The following ELP3 variants were observed in gnomAD, a reference collection of about 807,000 sequenced individuals.
ELP3 encodes elongator complex protein 3.
In ELP3, 56 loss-of-function variants were observed where a neutral mutation model predicts 74.9. The observed-to-expected ratio is 0.75, with a 90% CI of 0.60 to 0.93. The LOEUF (loss-of-function observed/expected upper bound fraction) is 0.93, where lower values mean the gene tolerates loss of function less well. Ranked by LOEUF, ELP3 falls within the 40% of genes least tolerant of loss-of-function variation. ELP3 has a pLI of 0.00. For missense variants in ELP3, 573 were observed against 686.5 expected (o/e 0.83, Z 1.85); for synonymous variants, 222 against 239.8 (o/e 0.93, Z 0.68).
intron 7 of ELP3, among the ~76,000 whole-genome samples, chr8:28,117,025 T>C (rs1389797336): frequency 6.6e-6 from 1 of 152,104 alleles, no homozygotes; most frequent in Non-Finnish European, 1.5e-5. Context: ...GAAGATAAGT[T>C]TTTCTCTGCA....
chr8:28,185,583 T>A (rs1271319687), intron 14 of ELP3, among the ~76,000 whole-genome samples: 1 of 152,000 alleles, frequency 6.6e-6, no homozygotes, highest in East Asian at 1.9e-4. Context: ...GGAGAGAGAG[T>A]GCTGTGAATT....
intron 6 of ELP3, 162 bp downstream of exon 6, chr8:28,110,600 C>T (rs1563251943): frequency 1.7e-6 from 1 of 595,612 alleles, no homozygotes. Context: ...TTTGCCATGC[C>T]TAGCAAGGTC....
intron 2 of ELP3, among the ~76,000 whole-genome samples, chr8:28,099,066 C>T (rs992252715): frequency 2.6e-5 from 4 of 152,194 alleles, no homozygotes; most frequent in African/African-American, 9.7e-5. Flanking sequence ...TTCAGGCAGC[C>T]TCTTGTACGT....
intron 7 of ELP3, among the ~76,000 whole-genome samples, chr8:28,115,333 A>G (rs1812085622): frequency 1.3e-5 from 2 of 152,170 alleles, no homozygotes; most frequent in Non-Finnish European, 2.9e-5. Flanking sequence ...TCTCCAAGGT[A>G]TACTAAGTGA....
chr8:28,093,109 G>T, upstream of ELP3: 1 of 1,557,962 alleles, frequency 6.4e-7, no homozygotes, highest in South Asian at 1.2e-5. Flanking sequence ...TACATTGACC[G>T]ACATTTTACG....
chr8:28,099,807 T>C (rs752622347), intron 2 of ELP3, 21 bp from the exon 3 acceptor site: 1 of 1,613,990 alleles, frequency 6.2e-7, no homozygotes, highest in Non-Finnish European at 8.5e-7. Context: ...ATCTTGATAA[T>C]GTGAGATGCT....
At position 28,129,585 on chromosome 8, in the gene ELP3, A is replaced by G; in HGVS notation, c.701A>G (p.Asp234Gly). 1.2e-6 allele frequency: 2 copies of G among 1,614,218 alleles called. No individual in the cohort carries two copies. Among genetic ancestry groups the G allele is most frequent in the Non-Finnish European group, 1.7e-6 (2 of 1,180,028 alleles). The change falls in exon 8 of 15, where the codon GAC becomes GGC. Residue 234 changes from aspartate (D) to glycine (G), a missense_variant. By Grantham distance (94) the Asp-to-Gly change is moderately conservative. Coordinates refer to ENST00000256398, the MANE Select transcript of ELP3 (RefSeq NM_018091.6). ...PDYCMKRHLS[D>G]MLTYGCTRLE... ...TACTGCATGAAGCGACATTTAAGTG[A>G]CATGTTGACCTATGGCTGCACAAGG...
At chr8:28,119,573 TATATATATATATATA>T (rs1812276549) in intron 7 of ELP3, among the ~76,000 whole-genome samples, 1 of 188 alleles carries the variant, frequency 5.3e-3, no homozygotes, top group Non-Finnish European at 0.013. Context: ...TGTGGCGTTT[TATATATATATATATA>T]TATATATATA....
Position 28,110,442 on chromosome 8 carries a change from C to T in ELP3, c.462+4C>T, listed in dbSNP as rs1264212825. The T allele has an allele frequency of 1.9e-6, 3 of 1,605,698 alleles. No individual in the cohort carries two copies. The highest frequency in any genetic ancestry group is 2.2e-5 in the East Asian group (1 of 44,766). ...GACAAGACACCGAATAGAACAGGTA[C>T]ATTTTTAAAAAACATGTTTCTTAAA... On this transcript the variant is annotated splice_donor_region_variant and intron_variant, in intron 6 of 14. Coordinates refer to ENST00000256398, the MANE Select transcript of ELP3 (RefSeq NM_018091.6).
chr8:28,116,932 G>A (rs929781657), intron 7 of ELP3, among the ~76,000 whole-genome samples: 2 of 152,166 alleles, frequency 1.3e-5, no homozygotes, highest in African/African-American at 2.4e-5. Context: ...GCCAGGCGAC[G>A]GGGATGGCAG....
chr8:28,127,462 C>A (rs549550930), intron 7 of ELP3, among the ~76,000 whole-genome samples: 1 of 152,040 alleles, frequency 6.6e-6, no homozygotes, highest in Non-Finnish European at 1.5e-5. Context: ...TCATTTAGAG[C>A]TTTTTGCTTT....
rs573689616 is a variant in ELP3, at chr8:28,157,654, A to G, written c.1192-914A>G. On this transcript the variant is annotated intron_variant, in intron 11 of 14. Coordinates refer to ENST00000256398, the MANE Select transcript of ELP3 (RefSeq NM_018091.6). ...CTTATGTGACATCATCAAATTTCCC[A>G]CAGTGATCTTTTCTTACTGGAAGAA... Among the ~76,000 whole-genome samples, 14 of 152,334 alleles carry G rather than the reference A, an allele frequency of 9.2e-5. 1 individual carries two copies. The South Asian group carries it at 2.7e-3, about 29-fold the overall frequency.
chr8:28,122,526 AGT>A (rs1382290953), intron 7 of ELP3, among the ~76,000 whole-genome samples: 2 of 152,216 alleles, frequency 1.3e-5, no homozygotes, highest in African/African-American at 4.8e-5. Context: ...CATTTTAAAA[AGT>A]TACGTTTTTC....
intron 14 of ELP3, among the ~76,000 whole-genome samples, chr8:28,186,180 G>T (rs956123123): frequency 6.6e-6 from 1 of 152,156 alleles, no homozygotes; most frequent in Non-Finnish European, 1.5e-5. Flanking sequence ...GGCTGGGAGA[G>T]GGGGAGCAAG....
chr8:28,158,899 C>T (rs1429307170), intron 12 of ELP3, among the ~76,000 whole-genome samples: 1 of 152,220 alleles, frequency 6.6e-6, no homozygotes, highest in Non-Finnish European at 1.5e-5. Flanking sequence ...GTTCTGTGAT[C>T]TGAGCTATCC....
chr8:28,114,493 A>C (rs74698313), intron 7 of ELP3, among the ~76,000 whole-genome samples: 10,937 of 152,092 alleles, frequency 0.072, 780 homozygotes, highest in East Asian at 0.33. Context: ...CCAGTACATC[A>C]CATGACGGGT....
chr8:28,173,099 T>C (rs559654149), intron 14 of ELP3, among the ~76,000 whole-genome samples: 1 of 152,146 alleles, frequency 6.6e-6, no homozygotes, highest in East Asian at 1.9e-4. Context: ...GTTTTCTTTG[T>C]AGTGTCTTTA....
chr8:28,174,096 GTC>G (rs1814645115), intron 14 of ELP3, among the ~76,000 whole-genome samples: 1 of 151,980 alleles, frequency 6.6e-6, no homozygotes, highest in African/African-American at 2.4e-5. Flanking sequence ...TTCTATATAT[GTC>G]TGTTAGATTT....
At chr8:28,092,507 G>A (rs908902795), upstream of ELP3, among the ~76,000 whole-genome samples, 2 of 152,190 alleles carry the variant, frequency 1.3e-5, no homozygotes, top group African/African-American at 4.8e-5. Flanking sequence ...CATAGTGCTA[G>A]TATTACATGT....
Sources: allele counts gnomAD v4.1 joint callset (sites outside exome capture counted in the v4.1 genomes callset), GRCh38; gene constraint gnomAD v4.1.1; transcripts MANE v1.5; gene names NCBI Gene and HGNC (gene_info 2026-07-23, HGNC 2026-07-21).